The following BAIAP2L1 variants were observed in gnomAD, a reference collection of about 807,000 sequenced individuals.
BAIAP2L1 encodes the protein BAR/IMD domain containing adaptor protein 2 like 1, also known as BAR/IMD domain-containing adapter protein 2-like 1.
BAIAP2L1 carries 35 observed loss-of-function variants against 66.3 expected under a neutral mutation model. The ratio of observed to expected loss-of-function variants is 0.53; its 90% CI spans 0.40 to 0.70. The LOEUF is 0.70. BAIAP2L1 is among the 30% of genes least tolerant of loss of function. BAIAP2L1 has a pLI of 0.00. For missense variants in BAIAP2L1, 622 were observed against 656.9 expected, an observed-to-expected ratio of 0.95 and a Z score of 0.58; for synonymous variants, 269 against 248.7, an observed-to-expected ratio of 1.08 and a Z score of -0.77.
At position 98,343,569 on chromosome 7, in the gene BAIAP2L1, A is replaced by G. The variant is rs372572503; in HGVS notation, c.214+11473T>C. On this transcript the variant is annotated intron_variant, in intron 3 of 13. Coordinates refer to ENST00000005260, the MANE Select transcript of BAIAP2L1 (RefSeq NM_018842.5). ...GTTTGCTCTGCCCAACAAGACGAAG[A>G]GGTTAGGACTTGAGTATCCCATGCT... 1.2e-3 allele frequency among the ~76,000 whole-genome samples: 186 copies of G among 152,310 alleles called. 1 individual carries two copies. The highest frequency in any genetic ancestry group is 4.2e-3 in the African/African-American group (173 of 41,578).
At chr7:98,398,250 G>A (rs748479737) in intron 1 of BAIAP2L1, among the ~76,000 whole-genome samples, 1 of 152,118 alleles carries the variant, frequency 6.6e-6, no homozygotes, top group African/African-American at 2.4e-5. Flanking sequence ...AACACTGCCA[G>A]ATTTTTGCCA....
chr7:98,351,259 A>C (rs1428206824), intron 3 of BAIAP2L1, among the ~76,000 whole-genome samples: 1 of 152,170 alleles, frequency 6.6e-6, no homozygotes, highest in African/African-American at 2.4e-5. Context: ...AAAAACGCGG[A>C]AGCACCATGT....
rs1800497950 is a variant in BAIAP2L1, at chr7:98,303,206, G to A, written c.1422+990C>T. Among the ~76,000 whole-genome samples, 3 of 152,160 alleles carry A rather than the reference G, an allele frequency of 2.0e-5. No homozygotes were observed. In the South Asian group the frequency reaches 6.2e-4, roughly 32 times the overall value. ...TCCTCAAGGCTCACGCGTAGGTCTG[G>A]GGCAGGCACATCTTAGAAGCACATC... On this transcript the variant is annotated intron_variant, in intron 12 of 13. Transcript: ENST00000005260.
chr7:98,297,909 T>C (rs1043610953), intron 12 of BAIAP2L1, among the ~76,000 whole-genome samples: 1 of 152,134 alleles, frequency 6.6e-6, no homozygotes, highest in Non-Finnish European at 1.5e-5. Flanking sequence ...ACTTCCTCAC[T>C]TGGAACTGCA....
Position 98,292,944 on chromosome 7 carries a change from C to A in BAIAP2L1, c.*577G>T. 1 of 1,266,334 alleles carries A rather than the reference C, an allele frequency of 7.9e-7. No homozygotes were observed. The highest frequency in any genetic ancestry group is 1.5e-5 in the African/African-American group (1 of 65,412). 78.4% of individuals were successfully genotyped at this position (1,266,334 alleles called of 1,614,324 possible). A position where few individuals can be genotyped will look rare whatever the true frequency, so the allele number is the denominator to read the frequency against. On this transcript the variant is annotated 3_prime_UTR_variant, in exon 14 of 14. Transcript: ENST00000005260. ...CAAAGCGTCTTAGCACTCTACAGCT[C>A]TGGCGTGGTTGGAGGGAGGGTGGGG...
At chr7:98,300,445 T>A (rs963309347) in intron 12 of BAIAP2L1, among the ~76,000 whole-genome samples, 2 of 152,162 alleles carry the variant, frequency 1.3e-5, no homozygotes, top group Non-Finnish European at 2.9e-5. Context: ...CCGCAATGCT[T>A]TTGCAGTCTG....
intron 3 of BAIAP2L1, among the ~76,000 whole-genome samples, chr7:98,325,290 G>T (rs1801353775): frequency 6.6e-6 from 1 of 152,032 alleles, no homozygotes; most frequent in Non-Finnish European, 1.5e-5. Context: ...GGCTGAGGCA[G>T]GAGAACTGCA....
intron 11 of BAIAP2L1, among the ~76,000 whole-genome samples, chr7:98,305,620 GC>G (rs1363577251): frequency 3.9e-5 from 6 of 151,998 alleles, no homozygotes; most frequent in Non-Finnish European, 8.8e-5. Context: ...TGGGGATCTT[GC>G]TATGTTGCGC....
At chr7:98,365,329 T>A (rs1437604212) in intron 1 of BAIAP2L1, among the ~76,000 whole-genome samples, 1 of 152,232 alleles carries the variant, frequency 6.6e-6, no homozygotes, top group African/African-American at 2.4e-5. Context: ...ATTTATTCTC[T>A]AATCTTTTTT....
chr7:98,366,303 C>T (rs1421919126), intron 1 of BAIAP2L1, among the ~76,000 whole-genome samples: 2 of 152,156 alleles, frequency 1.3e-5, no homozygotes, highest in African/African-American at 4.8e-5. Context: ...GAGGTTAAAT[C>T]TCTGCTCTGC....
At chr7:98,378,435 G>A (rs891848714) in intron 1 of BAIAP2L1, among the ~76,000 whole-genome samples, 3 of 152,124 alleles carry the variant, frequency 2.0e-5, no homozygotes, top group South Asian at 2.1e-4. Flanking sequence ...ACTGGCCTCC[G>A]GGCTGTTCTC....
At position 98,393,072 on chromosome 7, in the gene BAIAP2L1, T is replaced by C. The variant is rs1290339122; in HGVS notation, c.51+7730A>G. ...GTGTACATATATGTACACATATATG[T>C]ATACACACACATATATACATATATA... On this transcript the variant is annotated intron_variant, in intron 1 of 13. Coordinates refer to ENST00000005260, the MANE Select transcript of BAIAP2L1 (RefSeq NM_018842.5). Among the ~76,000 whole-genome samples the C allele has an allele frequency of 1.1e-4, 4 of 36,004 alleles. 1 individual carries two copies. The highest frequency in any genetic ancestry group is 3.2e-4 in the African/African-American group (4 of 12,310). 23.6% of individuals were successfully genotyped at this position (36,004 alleles called of 152,430 possible).
intron 3 of BAIAP2L1, among the ~76,000 whole-genome samples, chr7:98,339,348 T>C (rs1801685793): frequency 6.6e-6 from 1 of 152,244 alleles, no homozygotes; most frequent in African/African-American, 2.4e-5. Context: ...TTTGGATTTG[T>C]GTTTCCCTAA....
intron 3 of BAIAP2L1, among the ~76,000 whole-genome samples, chr7:98,331,053 G>A (rs1353898520): frequency 6.6e-6 from 1 of 152,080 alleles, no homozygotes; most frequent in Non-Finnish European, 1.5e-5. Context: ...GATTCAAAAA[G>A]AAATACTAGA....
chr7:98,368,958 C>T (rs567315913), intron 1 of BAIAP2L1, among the ~76,000 whole-genome samples: 7 of 151,588 alleles, frequency 4.6e-5, no homozygotes, highest in South Asian at 2.1e-4. Flanking sequence ...TGTGAGCTTA[C>T]GTTTTCGTAT....
At chr7:98,336,745 AAG>A (rs1227133436) in intron 3 of BAIAP2L1, among the ~76,000 whole-genome samples, 1 of 152,250 alleles carries the variant, frequency 6.6e-6, no homozygotes, top group Admixed American at 6.5e-5. Flanking sequence ...GCCCTTAAGA[AAG>A]AGAATACAAA....
intron 3 of BAIAP2L1, among the ~76,000 whole-genome samples, chr7:98,335,446 G>A (rs892442924): frequency 2.0e-5 from 3 of 152,118 alleles, no homozygotes; most frequent in Admixed American, 1.3e-4. Context: ...AAATGCACAC[G>A]TGTGTGTGTA....
chr7:98,386,717 T>G (rs1584504404), intron 1 of BAIAP2L1: 2 of 645,656 alleles, frequency 3.1e-6, no homozygotes, highest in Non-Finnish European at 4.8e-6. Flanking sequence ...TTTTTTTTTT[T>G]GGTGACAGAG....
chr7:98,344,560 G>A (rs542680954), intron 3 of BAIAP2L1, among the ~76,000 whole-genome samples: 21 of 152,266 alleles, frequency 1.4e-4, no homozygotes, highest in Admixed American at 7.2e-4. Flanking sequence ...CAGATTTGCC[G>A]ATCATTTAAA....
Sources: allele counts gnomAD v4.1 joint callset (sites outside exome capture counted in the v4.1 genomes callset), GRCh38; gene constraint gnomAD v4.1.1; transcripts MANE v1.5; gene names NCBI Gene and HGNC (gene_info 2026-07-23, HGNC 2026-07-21).